TMTC2: variants seen among roughly 807,000 people sequenced by gnomAD.
TMTC2 encodes transmembrane O-mannosyltransferase targeting cadherins 2.
Under a neutral mutation model 82.4 loss-of-function variants are expected in TMTC2, and 43 were observed. That is an observed-to-expected ratio of 0.52 (90% confidence interval 0.41 to 0.67). The LOEUF is 0.67. Among genes scored for constraint, TMTC2 ranks in the 30% least tolerant of loss-of-function variants. The pLI is 0.00. For synonymous variants in TMTC2, 408 were observed against 381.9 expected (o/e 1.07, Z -0.80); for missense variants, 919 against 1,012.4 (o/e 0.91, Z 1.25).
intron 1 of TMTC2, among the ~76,000 whole-genome samples, chr12:82,776,600 G>T (rs1045589416): frequency 7.4e-6 from 1 of 134,240 alleles, no homozygotes. Flanking sequence ...GCAACAGAAA[G>T]ATGTTGTCTC....
At chr12:82,881,418 C>T (rs1432820763) in intron 2 of TMTC2, among the ~76,000 whole-genome samples, 1 of 152,124 alleles carries the variant, frequency 6.6e-6, no homozygotes, top group Non-Finnish European at 1.5e-5. Context: ...TCAAATTTCA[C>T]ATTAAAAGAG....
At chr12:83,096,163 G>GT (rs1483798551) in intron 11 of TMTC2, among the ~76,000 whole-genome samples, 1 of 152,212 alleles carries the variant, frequency 6.6e-6, no homozygotes, top group Non-Finnish European at 1.5e-5. Flanking sequence ...TTTGAAATAT[G>GT]TTTTCTGCCA....
intron 7 of TMTC2, among the ~76,000 whole-genome samples, chr12:82,972,233 A>G (rs566974273): frequency 6.6e-6 from 1 of 151,950 alleles, no homozygotes; most frequent in Admixed American, 6.6e-5. Flanking sequence ...GCTTTTTATT[A>G]TCTTATTTGC....
At chr12:83,033,519 G>A (rs1014495884) in intron 9 of TMTC2, among the ~76,000 whole-genome samples, 37 of 152,076 alleles carry the variant, frequency 2.4e-4, no homozygotes, top group Admixed American at 2.0e-3. Context: ...TTGGGAGGCC[G>A]AGGCGGGCAG....
intron 1 of TMTC2, among the ~76,000 whole-genome samples, chr12:82,834,942 A>G (rs1869951538): frequency 6.6e-6 from 1 of 151,330 alleles, no homozygotes; most frequent in Non-Finnish European, 1.5e-5. Flanking sequence ...CGGTGGTGCT[A>G]TCTCGGCCCA....
intron 7 of TMTC2, among the ~76,000 whole-genome samples, chr12:82,982,613 A>G (rs1878973379): frequency 6.6e-6 from 1 of 151,920 alleles, no homozygotes. Flanking sequence ...GCAGTTTTAA[A>G]GGTCAGTCAT....
intron 1 of TMTC2, among the ~76,000 whole-genome samples, chr12:82,798,250 C>T (rs373883950): frequency 4.7e-5 from 7 of 148,720 alleles, no homozygotes; most frequent in South Asian, 2.1e-4. Flanking sequence ...CCACCACGCC[C>T]GGCCACCTAA....
chr12:82,915,592 G>A (rs1003296422), intron 3 of TMTC2, among the ~76,000 whole-genome samples: 2 of 152,216 alleles, frequency 1.3e-5, no homozygotes, highest in Non-Finnish European at 2.9e-5. Flanking sequence ...TAAAACAGAT[G>A]TGGTTTGGGC....
intron 11 of TMTC2, among the ~76,000 whole-genome samples, chr12:83,075,787 T>C (rs1883266927): frequency 6.6e-6 from 1 of 152,226 alleles, no homozygotes; most frequent in African/African-American, 2.4e-5. Flanking sequence ...TTCAAACTCC[T>C]TTCTACTCTA....
chr12:83,087,530 T>C (rs1428568820), intron 11 of TMTC2, among the ~76,000 whole-genome samples: 1 of 152,212 alleles, frequency 6.6e-6, no homozygotes, highest in African/African-American at 2.4e-5. Context: ...AAAAATGTAT[T>C]TCTTAAGTAA....
At chr12:82,884,146 ATAGT>A (rs772016491) in intron 2 of TMTC2, among the ~76,000 whole-genome samples, 2 of 152,132 alleles carry the variant, frequency 1.3e-5, no homozygotes, top group Non-Finnish European at 2.9e-5. Context: ...TCAGTTTCTA[ATAGT>A]TAGCTCTAGA....
intron 4 of TMTC2, among the ~76,000 whole-genome samples, 178 bp downstream of exon 4, chr12:82,930,723 C>T (rs1039974329): frequency 9.9e-5 from 15 of 152,060 alleles, no homozygotes; most frequent in African/African-American, 3.6e-4. Context: ...TGTTTCGGGC[C>T]ACATCATCAA....
At chr12:82,997,937 T>G (rs980864558) in intron 8 of TMTC2, among the ~76,000 whole-genome samples, 2 of 152,202 alleles carry the variant, frequency 1.3e-5, no homozygotes, top group Non-Finnish European at 2.9e-5. Flanking sequence ...TTTTTTCAAG[T>G]TGAATCCATT....
At chr12:82,764,949 C>T (rs576905362) in intron 1 of TMTC2, among the ~76,000 whole-genome samples, 84 of 144,138 alleles carry the variant, frequency 5.8e-4, no homozygotes, top group Non-Finnish European at 1.0e-3. Context: ...GGGGAACAAT[C>T]AGATACTCAT....
At chr12:83,114,095 T>A (rs1007444087) in intron 11 of TMTC2, among the ~76,000 whole-genome samples, 7 of 151,970 alleles carry the variant, frequency 4.6e-5, no homozygotes, top group Non-Finnish European at 7.4e-5. Context: ...GAAAAAAAAA[T>A]GTCTCACGCA....
At chr12:82,786,469 G>C (rs977707941) in intron 1 of TMTC2, among the ~76,000 whole-genome samples, 1 of 152,126 alleles carries the variant, frequency 6.6e-6, no homozygotes, top group African/African-American at 2.4e-5. Context: ...ATAGAGATCA[G>C]TGGTGCTGAC....
intron 4 of TMTC2, among the ~76,000 whole-genome samples, chr12:82,955,391 T>G (rs981351075): frequency 6.6e-6 from 1 of 152,238 alleles, no homozygotes; most frequent in African/African-American, 2.4e-5. Flanking sequence ...CGTTCAGCTC[T>G]GTCCAATCCA....
At chr12:83,032,843 G>A (rs1198441911) in intron 9 of TMTC2, among the ~76,000 whole-genome samples, 4 of 152,162 alleles carry the variant, frequency 2.6e-5, no homozygotes, top group Admixed American at 2.6e-4. Flanking sequence ...TTAGAGGCGT[G>A]AGCCACTGCG....
intron 8 of TMTC2, among the ~76,000 whole-genome samples, chr12:83,007,347 G>C (rs539643259): frequency 5.3e-5 from 8 of 152,066 alleles, no homozygotes; most frequent in African/African-American, 1.9e-4. Context: ...TTCAGTCTTA[G>C]GACTGCTTTT....
Sources: allele counts gnomAD v4.1 joint callset (sites outside exome capture counted in the v4.1 genomes callset), GRCh38; gene constraint gnomAD v4.1.1; transcripts MANE v1.5; gene names NCBI Gene and HGNC (gene_info 2026-07-23, HGNC 2026-07-21).